The following NUP62 variants were observed in gnomAD, a reference collection of about 807,000 sequenced individuals.
The protein encoded by NUP62 is nuclear pore glycoprotein p62.
For synonymous variants in NUP62, 305 were observed against 303.4 expected, an observed-to-expected ratio of 1.01 and a Z score of -0.05; for missense variants, 647 against 689.4, an observed-to-expected ratio of 0.94 and a Z score of 0.69.
intron 2 of NUP62, among the ~76,000 whole-genome samples, chr19:49,920,521 C>G (rs928179706): frequency 6.6e-6 from 1 of 152,216 alleles, no homozygotes; most frequent in African/African-American, 2.4e-5. Flanking sequence ...TAAAGCCACT[C>G]AACCAACCAA....
intron 2 of NUP62, among the ~76,000 whole-genome samples, chr19:49,919,684 C>T (rs530438247): frequency 6.6e-6 from 1 of 152,288 alleles, no homozygotes; most frequent in Admixed American, 6.5e-5. Context: ...GCTCTGGTCG[C>T]AGGACCAACA....
At chr19:49,924,703 G>T (rs1355409049) in intron 2 of NUP62, among the ~76,000 whole-genome samples, 1 of 152,224 alleles carries the variant, frequency 6.6e-6, no homozygotes, top group Non-Finnish European at 1.5e-5. Context: ...GGGGAGAAGG[G>T]TCGCAGGCAA....
rs140379555 is a variant in NUP62, at chr19:49,908,471, C to A, written c.1337G>T (p.Arg446Leu). The change falls in exon 3 of 3, where the codon CGC becomes CTC. Residue 446 changes from arginine (R) to leucine (L), a missense_variant. By Grantham distance (102) the Arg-to-Leu change is moderately radical (BLOSUM62 -2). Coordinates refer to ENST00000352066, the MANE Select transcript of NUP62 (RefSeq NM_016553.5). ...LAENIDAQLK[R>L]MAQDLKDIIE... ...GATGTCCTTGAGATCCTGGGCCATGCGCTTGAGCTGTGCATCGATGTTCTC... is the reference window on the plus strand; with the variant it reads ...GATGTCCTTGAGATCCTGGGCCATGAGCTTGAGCTGTGCATCGATGTTCTC... 5.0e-6 allele frequency: 8 copies of A among 1,614,150 alleles called. No individual in the cohort carries two copies. The highest frequency in any genetic ancestry group is 1.1e-5 in the South Asian group (1 of 91,086).
At chr19:49,920,531 A>G (rs1568717853) in intron 2 of NUP62, among the ~76,000 whole-genome samples, 1 of 152,178 alleles carries the variant, frequency 6.6e-6, no homozygotes, top group Non-Finnish European at 1.5e-5. Flanking sequence ...CAACCAACCA[A>G]CCGACCAACC....
At chr19:49,920,805 G>A (rs1027745844) in intron 2 of NUP62, among the ~76,000 whole-genome samples, 1 of 152,244 alleles carries the variant, frequency 6.6e-6, no homozygotes, top group African/African-American at 2.4e-5. Flanking sequence ...AGGGCTGAGG[G>A]ACTCTGAGAG....
intron 2 of NUP62, among the ~76,000 whole-genome samples, chr19:49,926,163 G>A (rs1452280543): frequency 1.4e-5 from 2 of 147,544 alleles, no homozygotes; most frequent in Non-Finnish European, 1.5e-5. Context: ...GAGCTGTGAC[G>A]GTGCCACTGC....
chr19:49,923,857 G>A (rs1190135121), intron 2 of NUP62, among the ~76,000 whole-genome samples: 2 of 152,220 alleles, frequency 1.3e-5, no homozygotes, highest in African/African-American at 2.4e-5. Flanking sequence ...TCTGACCCAC[G>A]CTGCGGAAGG....
chr19:49,925,237 G>A (rs2075858651), intron 2 of NUP62, among the ~76,000 whole-genome samples: 1 of 151,860 alleles, frequency 6.6e-6, no homozygotes, highest in Non-Finnish European at 1.5e-5. Flanking sequence ...CTCCAGCCTG[G>A]GCAACAAGAG....
Position 49,908,492 on chromosome 19 carries a change from T to C in NUP62, c.1316A>G (p.Asn439Ser), listed in dbSNP as rs2075373719. 1 of 1,614,032 alleles carries C rather than the reference T, an allele frequency of 6.2e-7. No homozygotes were observed. Among genetic ancestry groups the C allele is most frequent in the Admixed American group, 1.7e-5 (1 of 60,010 alleles). ...CATGCGCTTGAGCTGTGCATCGATG[T>C]TCTCAGCCAGCTTGTAGGTTTTCTC... Reference protein sequence around the residue: ...EREKTYKLAENIDAQLKRMAQ... With the variant: ...EREKTYKLAESIDAQLKRMAQ... Residue 439 changes from asparagine (N) to serine (S), a missense_variant, in exon 3 of 3, where the codon AAC becomes AGC. Transcript: ENST00000352066.
chr19:49,925,054 G>A (rs1171312094), intron 2 of NUP62, among the ~76,000 whole-genome samples: 1 of 152,134 alleles, frequency 6.6e-6, no homozygotes, highest in Admixed American at 6.6e-5. Context: ...CTGAGTTCGG[G>A]AGTTCGAGAC....
intron 2 of NUP62, among the ~76,000 whole-genome samples, chr19:49,916,004 T>C (rs2075614188): frequency 6.6e-6 from 1 of 152,200 alleles, no homozygotes; most frequent in Non-Finnish European, 1.5e-5. Context: ...TGGTACACAG[T>C]AGGGACTCAG....
At chr19:49,918,056 G>A (rs1173658800) in intron 2 of NUP62, among the ~76,000 whole-genome samples, 1 of 151,594 alleles carries the variant, frequency 6.6e-6, no homozygotes, top group Non-Finnish European at 1.5e-5. Flanking sequence ...CAAAGCCATG[G>A]AGAGGGTCTG....
At position 49,906,860 on chromosome 19, in the gene NUP62, C is replaced by T. The variant is rs1232871398; in HGVS notation, c.*1379G>A. 1 of 152,212 alleles carries T rather than the reference C, an allele frequency of 6.6e-6. No homozygotes were observed. The highest frequency in any genetic ancestry group is 1.5e-5 in the Non-Finnish European group (1 of 68,030). The allele number at this position is 152,212 out of a possible 1,614,324, so 9.4% of individuals were successfully genotyped here. A position where few individuals can be genotyped will look rare whatever the true frequency, so the allele number is the denominator to read the frequency against. ...ACAATACATTTATTTAGAAAAGCAA[C>T]ATACAGTAATAGGTATTTCAGAGAA... On this transcript the variant is annotated 3_prime_UTR_variant, in exon 3 of 3. Transcript: ENST00000352066.
In NUP62 at chr19:49,908,929, A is replaced by C; in HGVS notation, c.879T>G (p.Asn293Lys). Residue 293 changes from asparagine to lysine, a missense_variant, in exon 3 of 3, where the codon AAT becomes AAG. By Grantham distance (94) the Asn-to-Lys change is moderately conservative. Transcript: ENST00000352066. ...TCCCGGCTGGCGCCAGTGGTTTTAAATTCAAGGCAAAGCCGGTGGTGCTGC... is the reference window on the plus strand; with the variant it reads ...TCCCGGCTGGCGCCAGTGGTTTTAACTTCAAGGCAAAGCCGGTGGTGCTGC... ...SSSSTTGFAL[N>K]LKPLAPAGIP... is the part of the protein sequence containing the mutation. 5 of 1,608,342 alleles carry C rather than the reference A, an allele frequency of 3.1e-6. No homozygotes were observed. The highest frequency in any genetic ancestry group is 4.2e-6 in the Non-Finnish European group (5 of 1,177,576).
chr19:49,909,692 G>T lies in NUP62; in HGVS notation c.116C>A (p.Thr39Asn). Residue 39 changes from threonine (T) to asparagine (N), a missense_variant, in exon 3 of 3, where the codon ACT becomes AAT. Thr to Asn is a moderately conservative substitution (Grantham distance 65, BLOSUM62 0). Transcript: ENST00000352066. ...ATGFSFSTSG[T>N]GGFNFGAPFQ... ...GGGAGCCCCAAAATTAAACCCTCCAGTGCCAGAGGTGGAGAAAGAAAACCC... is the reference window on the plus strand; with the variant it reads ...GGGAGCCCCAAAATTAAACCCTCCATTGCCAGAGGTGGAGAAAGAAAACCC... 2 of 1,614,206 alleles carry T rather than the reference G, an allele frequency of 1.2e-6. No homozygotes were observed. Among genetic ancestry groups the T allele is most frequent in the Non-Finnish European group, 1.7e-6 (2 of 1,180,046 alleles).
Position 49,906,915 on chromosome 19 carries a change from G to A in NUP62, c.*1324C>T, listed in dbSNP as rs1265816174. On this transcript the variant is annotated 3_prime_UTR_variant, in exon 3 of 3. Transcript: ENST00000352066. Reference sequence around the variant, plus strand: ...GCAAAGTATAAAGACAAATACAAAAGATGCTTGGGATACAACCGCTAGCTT... The same window carrying A: ...GCAAAGTATAAAGACAAATACAAAAAATGCTTGGGATACAACCGCTAGCTT... 1 of 152,412 alleles carries A rather than the reference G, an allele frequency of 6.6e-6. No individual in the cohort carries two copies. The highest frequency in any genetic ancestry group is 1.5e-5 in the Non-Finnish European group (1 of 68,198). The allele number at this position is 152,412 out of a possible 1,614,324, so 9.4% of individuals were successfully genotyped here. A position where few individuals can be genotyped will look rare whatever the true frequency, so the allele number is the denominator to read the frequency against.
Position 49,909,775 on chromosome 19 carries a change from G to A in NUP62, c.33C>T (p.Ala11=), listed in dbSNP as rs1257483858. 3 of 1,614,092 alleles carry A rather than the reference G, an allele frequency of 1.9e-6. No individual in the cohort carries two copies. The highest frequency in any genetic ancestry group is 8.5e-7 in the Non-Finnish European group (1 of 1,180,020). Residue 11 remains alanine, a synonymous_variant, in exon 3 of 3, where the codon GCC becomes GCT. Transcript: ENST00000352066. MSGFNFGGTG[A]PTGGFTFGTA... ...TGCCAAACGTGAACCCGCCTGTAGG[G>A]GCCCCAGTGCCTCCAAAATTAAACC...
intron 2 of NUP62, among the ~76,000 whole-genome samples, chr19:49,920,667 G>A (rs1195871642): frequency 6.6e-6 from 1 of 152,202 alleles, no homozygotes; most frequent in Non-Finnish European, 1.5e-5. Context: ...CTAAGGGCAG[G>A]CCCATGCCTT....
In NUP62 at chr19:49,922,460, T is replaced by A. The variant is rs570299711; in HGVS notation, c.-78+5234A>T. 2.2e-4 allele frequency among the ~76,000 whole-genome samples: 34 copies of A among 151,926 alleles called. 1 individual carries two copies. Among genetic ancestry groups the A allele is most frequent in the Admixed American group, 2.0e-3 (30 of 15,264 alleles). On this transcript the variant is annotated intron_variant, in intron 2 of 2. Transcript: ENST00000352066. ...CTCCTTCACATGGGACCGGGCTGTG[T>A]CGGAATGAAGCCCTACTCCGTCTCA...
Sources: allele counts gnomAD v4.1 joint callset (sites outside exome capture counted in the v4.1 genomes callset), GRCh38; gene constraint gnomAD v4.1.1; transcripts MANE v1.5; gene names NCBI Gene and HGNC (gene_info 2026-07-23, HGNC 2026-07-21).